Variants in EPC2 observed in about 807,000 individuals in gnomAD.
The protein encoded by EPC2 is enhancer of polycomb 2.
A neutral mutation model predicts 92.1 loss-of-function variants in EPC2; 14 were observed. The observed-to-expected ratio is 0.15, with a 90% CI of 0.10 to 0.24. The LOEUF is 0.24. Among genes scored for constraint, EPC2 ranks in the 10% least tolerant of loss-of-function variants. The probability of loss-of-function intolerance (pLI) is 1.00; values close to 1 mark genes in which losing one functional copy is unlikely to be tolerated. For synonymous variants in EPC2, 340 were observed against 334.7 expected (o/e 1.02, Z -0.17); for missense variants, 755 against 971.5 (o/e 0.78, Z 2.96).
At chr2:148,763,882 GA>G (rs1180840013) in intron 6 of EPC2, among the ~76,000 whole-genome samples, 1 of 152,198 alleles carries the variant, frequency 6.6e-6, no homozygotes, top group Non-Finnish European at 1.5e-5. Flanking sequence ...ATTACTGACA[GA>G]ATCAGCCTTT....
chr2:148,691,761 T>C, intron 2 of EPC2: 1 of 822,224 alleles, frequency 1.2e-6, no homozygotes, highest in East Asian at 2.7e-5. Context: ...GATTTTTTGC[T>C]TCTCCTTTCT....
At chr2:148,782,411 C>A (rs1427887012) in intron 11 of EPC2, among the ~76,000 whole-genome samples, 7 of 152,008 alleles carry the variant, frequency 4.6e-5, no homozygotes, top group Non-Finnish European at 1.0e-4. Flanking sequence ...GTGGTGAATA[C>A]CTGTAAGCCC....
intron 1 of EPC2, among the ~76,000 whole-genome samples, chr2:148,670,266 A>G (rs1185194873): frequency 2.0e-5 from 3 of 151,264 alleles, no homozygotes; most frequent in Non-Finnish European, 2.9e-5. Flanking sequence ...CTTAAAACCC[A>G]TTGTTTTATT....
chr2:148,765,950 G>A (rs1225964643), intron 7 of EPC2, among the ~76,000 whole-genome samples: 2 of 152,112 alleles, frequency 1.3e-5, no homozygotes, highest in African/African-American at 4.8e-5. Flanking sequence ...CCAGGAGAAT[G>A]GCGTGCACCT....
At chr2:148,751,347 C>G (rs761274591) in intron 3 of EPC2, among the ~76,000 whole-genome samples, 1 of 151,916 alleles carries the variant, frequency 6.6e-6, no homozygotes, top group Admixed American at 6.6e-5. Context: ...AGAAGAAAAG[C>G]CTATATGGTA....
At position 148,731,521 on chromosome 2, in the gene EPC2, G is replaced by A. The variant is rs116164397; in HGVS notation, c.314-12101G>A. Among the ~76,000 whole-genome samples, 1,408 of 152,238 alleles carry A rather than the reference G, an allele frequency of 9.2e-3. 29 individuals carry two copies. The highest frequency in any genetic ancestry group is 0.032 in the African/African-American group (1,343 of 41,522). On this transcript the variant is annotated intron_variant, in intron 2 of 13. Transcript: ENST00000258484. ...GGGTTCAAGCCATTCTCCGGTCTCA[G>A]CTTCCCGAATAGCTGGGATTACAGA...
At chr2:148,727,961 G>A (rs958653301) in intron 2 of EPC2, among the ~76,000 whole-genome samples, 14 of 152,138 alleles carry the variant, frequency 9.2e-5, no homozygotes, top group African/African-American at 3.1e-4. Flanking sequence ...TTCTTTTAGG[G>A]TTTCAAGCAC....
chr2:148,670,723 C>T (rs1284308424), intron 1 of EPC2, among the ~76,000 whole-genome samples: 1 of 152,098 alleles, frequency 6.6e-6, no homozygotes, highest in Non-Finnish European at 1.5e-5. Context: ...TCCCTGTCCC[C>T]TCCCTTCCCC....
chr2:148,646,414 C>T (rs1342587509), intron 1 of EPC2, among the ~76,000 whole-genome samples: 2 of 152,126 alleles, frequency 1.3e-5, no homozygotes, highest in South Asian at 2.1e-4. Context: ...GTAGAAAATG[C>T]ATATGGCCGT....
chr2:148,678,757 A>G (rs7572703), intron 1 of EPC2, among the ~76,000 whole-genome samples: 33,724 of 152,176 alleles, frequency 0.22, 4,543 homozygotes, highest in East Asian at 0.51. Flanking sequence ...CCTGGTGCCC[A>G]CTTGTGCCTC....
chr2:148,698,424 T>TC (rs1405180359), intron 2 of EPC2, among the ~76,000 whole-genome samples: 1 of 151,778 alleles, frequency 6.6e-6, no homozygotes. Context: ...GATCACGAGG[T>TC]CAGGAGTTCA....
Position 148,644,774 on chromosome 2 carries a change from T to C in EPC2, c.-244T>C, listed in dbSNP as rs1484731719. The C allele has an allele frequency of 5.0e-6, 2 of 396,864 alleles. No homozygotes were observed. The highest frequency in any genetic ancestry group is 5.6e-5 in the Admixed American group (1 of 17,726). The allele number at this position is 396,864 out of a possible 1,614,324, so 24.6% of individuals were successfully genotyped here. A position where few individuals can be genotyped will look rare whatever the true frequency, so the allele number is the denominator to read the frequency against. The stretch of plus-strand genomic sequence containing the variant: ...GTGGTAATGTCCGCCATGTTGGCCA[T>C]GGCGCAGGGAGCGGATCGGGCGGGC... On this transcript the variant is annotated 5_prime_UTR_variant, in exon 1 of 14. The change abolishes an upstream ATG in the 5' untranslated region. Transcript: ENST00000258484.
intron 2 of EPC2, among the ~76,000 whole-genome samples, chr2:148,721,890 C>CTTTTTTTTTTTT: frequency 1.2e-4 from 7 of 60,770 alleles, no homozygotes; most frequent in Non-Finnish European, 1.4e-4. Context: ...GTTTTGATTT[C>CTTTTTTTTTTTT]TTTTTTTTTT....
chr2:148,664,197 T>C (rs749137229), intron 1 of EPC2, among the ~76,000 whole-genome samples: 1 of 152,270 alleles, frequency 6.6e-6, no homozygotes, highest in Non-Finnish European at 1.5e-5. Flanking sequence ...TTGGAAGATA[T>C]TGTTAAAAAT....
chr2:148,692,132 CCTT>C (rs1681658622), intron 2 of EPC2: 1 of 226,974 alleles, frequency 4.4e-6, no homozygotes, highest in African/African-American at 2.3e-5. Context: ...CCCTCATTCA[CCTT>C]CTTTCATATT....
intron 2 of EPC2, among the ~76,000 whole-genome samples, chr2:148,713,637 T>C (rs2105385916): frequency 6.6e-6 from 1 of 152,336 alleles, no homozygotes; most frequent in East Asian, 1.9e-4. Flanking sequence ...GCTATATTTA[T>C]GATGTGCCCT....
chr2:148,691,953 ATGT>A (rs892065124), intron 2 of EPC2: 12 of 385,132 alleles, frequency 3.1e-5, no homozygotes, highest in African/African-American at 1.3e-4. Context: ...ATATATAGTA[ATGT>A]TGTGTCTTTT....
In EPC2 at chr2:148,699,399, A is replaced by G. The variant is rs187896304; in HGVS notation, c.313+9026A>G. ...GATCCATGATTACAGTATCCTACAG[A>G]ATAGTTTCATCACTCTAAAAACTCC... is the stretch of plus-strand genomic sequence containing the variant. On this transcript the variant is annotated intron_variant, in intron 2 of 13. Transcript: ENST00000258484. 1.1e-3 allele frequency among the ~76,000 whole-genome samples: 163 copies of G among 152,304 alleles called. 1 individual carries two copies. The highest frequency in any genetic ancestry group is 3.8e-3 in the African/African-American group (156 of 41,572).
At chr2:148,653,658 A>G (rs1361885516) in intron 1 of EPC2, among the ~76,000 whole-genome samples, 1 of 149,982 alleles carries the variant, frequency 6.7e-6, no homozygotes, top group Non-Finnish European at 1.5e-5. Context: ...GAGTCAGCCT[A>G]TCTGCTACCT....
Sources: allele counts gnomAD v4.1 joint callset (sites outside exome capture counted in the v4.1 genomes callset), GRCh38; gene constraint gnomAD v4.1.1; transcripts MANE v1.5; gene names NCBI Gene and HGNC (gene_info 2026-07-23, HGNC 2026-07-21).